The following ZNF615 variants were observed in gnomAD, a reference collection of about 807,000 sequenced individuals.
ZNF615 encodes the protein zinc finger protein 615.
Under a neutral mutation model 15.3 loss-of-function variants are expected in ZNF615, and 15 were observed. The observed-to-expected ratio is 0.98, with a 90% CI of 0.66 to 1.51. The LOEUF (loss-of-function observed/expected upper bound fraction) is 1.51, where lower values mean the gene tolerates loss of function less well. ZNF615 is among the 40% of genes most tolerant of loss of function. The probability of loss-of-function intolerance (pLI) is 0.00; values close to 1 mark genes in which losing one functional copy is unlikely to be tolerated. For synonymous variants in ZNF615, 268 were observed against 294.6 expected (o/e 0.91, Z 0.92); for missense variants, 848 against 895.9 (o/e 0.95, Z 0.68).
chr19:51,999,514 A>C, intron 6 of ZNF615, among the ~76,000 whole-genome samples: 1 of 152,230 alleles, frequency 6.6e-6, no homozygotes, highest in Non-Finnish European at 1.5e-5. Flanking sequence ...TATACATAGT[A>C]TATGTTCCAA....
Position 52,001,852 on chromosome 19 carries a change from A to G in ZNF615, c.199T>C (p.Cys67Arg). 3 of 1,614,038 alleles carry G rather than the reference A, an allele frequency of 1.9e-6. No individual in the cohort carries two copies. The highest frequency in any genetic ancestry group is 2.5e-6 in the Non-Finnish European group (3 of 1,180,000). ...GAGTAGATTTCATCTTCTGTTGTGC[A>G]AGTTTCTTCTCCTCGTTCCAATTTG... ...LSKLERGEET[C>R]TTEDEIYSRI... Residue 67 changes from cysteine (C) to arginine (R), a missense_variant, in exon 5 of 7, where the codon TGC (cysteine) becomes CGC (arginine). Cys to Arg is a radical substitution (Grantham distance 180). Transcript: ENST00000598071.
At chr19:52,003,345 T>A (rs775265790) in intron 3 of ZNF615, among the ~76,000 whole-genome samples, 1 of 152,166 alleles carries the variant, frequency 6.6e-6, no homozygotes, top group Admixed American at 6.5e-5. Context: ...CTATCAAAGA[T>A]GTATTTGAGC....
At chr19:52,000,157 G>GC (rs2086549330) in intron 6 of ZNF615, 189 bp downstream of exon 6, 2 of 400,386 alleles carry the variant, frequency 5.0e-6, no homozygotes, top group Non-Finnish European at 4.4e-6. Flanking sequence ...TCACTTGTAG[G>GC]CAAGAGCTAA....
chr19:51,993,601 C>T lies in ZNF615; in HGVS notation c.1508G>A (p.Gly503Asp), dbSNP rs371662547. 1 of 1,613,912 alleles carries T rather than the reference C, an allele frequency of 6.2e-7. No homozygotes were observed. The highest frequency in any genetic ancestry group is 1.3e-5 in the African/African-American group (1 of 74,882). The change falls in exon 7 of 7, where the codon GGC becomes GAC. Residue 503 changes from glycine to aspartate, a missense_variant. Physicochemically the swap from Gly to Asp is moderately conservative, Grantham distance 94. Transcript: ENST00000598071. Reference sequence around the variant, plus strand: ...AATAAGGCGGCTCTTCACAGTGAAGCCTTTTCCACAATCATTGCATATATA... The same window carrying T: ...AATAAGGCGGCTCTTCACAGTGAAGTCTTTTCCACAATCATTGCATATATA... ...KPYICNDCGK[G>D]FTVKSRLIVH...
chr19:52,007,267 G>GA lies in ZNF615; in HGVS notation c.-190+25_-190+26insT, dbSNP rs1320547512. Reference sequence around the variant, plus strand: ...TGAAATATTCTGAAAATTTGACAAAGGTTATCTTTGAGTAACCGAGCTTAC... The same window carrying GA: ...TGAAATATTCTGAAAATTTGACAAAGAGTTATCTTTGAGTAACCGAGCTTAC... On this transcript the variant is annotated intron_variant, in intron 2 of 6. Transcript: ENST00000598071. 40 of 1,277,882 alleles carry GA rather than the reference G, an allele frequency of 3.1e-5. No individual in the cohort carries two copies. The African/African-American group carries it at 5.2e-4, about 17-fold the overall frequency. The allele number at this position is 1,277,882 out of a possible 1,614,324, so 79.2% of individuals were successfully genotyped here. A position where few individuals can be genotyped will look rare whatever the true frequency, so the allele number is the denominator to read the frequency against.
chr19:52,004,066 T>C (rs1295426421), intron 2 of ZNF615, among the ~76,000 whole-genome samples, 166 bp from the exon 3 acceptor site: 2 of 152,186 alleles, frequency 1.3e-5, no homozygotes, highest in African/African-American at 2.4e-5. Flanking sequence ...ATTCTGAATA[T>C]ATGGGAGGTA....
chr19:51,996,639 A>G (rs1012099788), intron 6 of ZNF615, among the ~76,000 whole-genome samples: 10 of 152,328 alleles, frequency 6.6e-5, no homozygotes, highest in South Asian at 6.2e-4. Context: ...AACATTTACA[A>G]ATTATTCAAA....
At chr19:52,000,867 C>G (rs995149588) in intron 5 of ZNF615, among the ~76,000 whole-genome samples, 1 of 151,714 alleles carries the variant, frequency 6.6e-6, no homozygotes, top group African/African-American at 2.4e-5. Context: ...GTGGGAGGAT[C>G]GCTTGAGCCG....
intron 5 of ZNF615, among the ~76,000 whole-genome samples, chr19:52,000,793 A>G (rs2086568447): frequency 6.6e-6 from 1 of 152,084 alleles, no homozygotes; most frequent in Admixed American, 6.6e-5. Context: ...CCTCTATAAG[A>G]AATACAAAAA....
rs1432165378 is a variant in ZNF615 at position 51,991,540 on chromosome 19, G to C, written c.*1340C>G. On this transcript the variant is annotated 3_prime_UTR_variant, in exon 7 of 7. Coordinates refer to ENST00000598071, the MANE Select transcript of ZNF615 (RefSeq NM_001199324.2). The stretch of plus-strand genomic sequence containing the variant: ...TTAGTTGAAATAGCCAATACCAAAA[G>C]GGTACATGCTGTATGATTCCATTTT... 2 of 152,164 alleles carry C rather than the reference G, an allele frequency of 1.3e-5. No homozygotes were observed. The highest frequency in any genetic ancestry group is 2.9e-5 in the Non-Finnish European group (2 of 68,034). 9.4% of individuals were successfully genotyped at this position (152,164 alleles called of 1,614,324 possible).
chr19:52,001,050 G>T (rs201318295), intron 5 of ZNF615, among the ~76,000 whole-genome samples: 1 of 152,050 alleles, frequency 6.6e-6, no homozygotes, highest in Admixed American at 6.6e-5. Flanking sequence ...TGGAGAAAAT[G>T]AGGGAAAATA....
In ZNF615 at chr19:51,994,634, T is replaced by C. The variant is rs971389389; in HGVS notation, c.475A>G (p.Arg159Gly). ...GCAGAGTTCTTTAGGCCAGAGCTCC[T>C]TTTCTGGTTTTCAAAACTTAAATTT... is the stretch of plus-strand genomic sequence containing the variant. Reference protein sequence around the residue: ...KSNLSFENQKRSSGLKNSAEF... With the variant: ...KSNLSFENQKGSSGLKNSAEF... Residue 159 changes from arginine to glycine, a missense_variant, in exon 7 of 7, where the codon AGG becomes GGG. Coordinates refer to ENST00000598071, the MANE Select transcript of ZNF615 (RefSeq NM_001199324.2). 6.2e-7 allele frequency: 1 copy of C among 1,613,096 alleles called. No individual in the cohort carries two copies. Among genetic ancestry groups the C allele is most frequent in the East Asian group, 2.2e-5 (1 of 44,870 alleles).
chr19:52,007,704 T>C (rs116895749), intron 1 of ZNF615, among the ~76,000 whole-genome samples: 3,020 of 152,260 alleles, frequency 0.02, 53 homozygotes, highest in Admixed American at 0.024. Flanking sequence ...GAAACCTCCG[T>C]ACCTTAACCC....
chr19:51,993,768 G>C lies in ZNF615; in HGVS notation c.1341C>G (p.Gly447=), dbSNP rs2086321821. 6.2e-7 allele frequency: 1 copy of C among 1,613,998 alleles called. No individual in the cohort carries two copies. Among genetic ancestry groups the C allele is most frequent in the African/African-American group, 1.3e-5 (1 of 74,894 alleles). ...TGATGAGTGGGCTCTTCAAAGCGAA[G>C]CCCTTTCCACACTCATTGCATTTAT... ...KPYKCNECGK[G]FALKSPLIRH... The change falls in exon 7 of 7, where the codon GGC becomes GGG. Residue 447 remains glycine, a synonymous_variant. Transcript: ENST00000598071.
chr19:51,993,830 T>C lies in ZNF615; in HGVS notation c.1279A>G (p.Met427Val). The C allele has an allele frequency of 2.5e-6, 4 of 1,614,212 alleles. No homozygotes were observed. Among genetic ancestry groups the C allele is most frequent in the Non-Finnish European group, 3.4e-6 (4 of 1,180,012 alleles). ...GKGFSMKHCL[M>V]VHQRTHTGEK... The stretch of plus-strand genomic sequence containing the variant: ...CCAGTATGAGTTCGTTGATGTACCA[T>C]GAGACAGTGCTTCATTGAAAAGCCT... Residue 427 changes from methionine to valine, a missense_variant, in exon 7 of 7, where the codon ATG becomes GTG. By Grantham distance (21) the Met-to-Val change is conservative. Coordinates refer to ENST00000598071, the MANE Select transcript of ZNF615 (RefSeq NM_001199324.2).
rs142513555 is a variant in ZNF615 at position 51,993,699 on chromosome 19, G to A, written c.1410C>T (p.Thr470=). 1,019 of 1,611,502 alleles carry A rather than the reference G, an allele frequency of 6.3e-4. 1 individual carries two copies. Among genetic ancestry groups the A allele is most frequent in the Non-Finnish European group, 7.4e-4 (868 of 1,179,346 alleles). The change falls in exon 7 of 7, where the codon ACC becomes ACT. Residue 470 remains threonine (T), a synonymous_variant. Coordinates refer to ENST00000598071, the MANE Select transcript of ZNF615 (RefSeq NM_001199324.2). ...THTGEKPYVC[T]ECRKGFTMKS... ...TCATGGTGAAACCTTTTCGACATTC[G>A]GTGCATACATAGGGTTTCTCTCCAG...
chr19:52,006,145 A>G (rs1329682041), intron 2 of ZNF615, among the ~76,000 whole-genome samples: 2 of 152,216 alleles, frequency 1.3e-5, no homozygotes, highest in Non-Finnish European at 2.9e-5. Flanking sequence ...TCATAGGGAA[A>G]ACACAGGTTT....
intron 5 of ZNF615, among the ~76,000 whole-genome samples, chr19:52,001,488 C>CGG (rs1568503611): frequency 2.0e-5 from 3 of 151,570 alleles, no homozygotes; most frequent in Admixed American, 2.0e-4. Context: ...CGTGGTGGTA[C>CGG]GCACCTGTAG....
At chr19:51,996,385 C>CA (rs1172310589) in intron 6 of ZNF615, among the ~76,000 whole-genome samples, 3,681 of 32,494 alleles carry the variant, frequency 0.11, 291 homozygotes, top group Non-Finnish European at 0.16. Flanking sequence ...GACTCTGTCT[C>CA]AAAAAAAAAA....
Sources: allele counts gnomAD v4.1 joint callset (sites outside exome capture counted in the v4.1 genomes callset), GRCh38; gene constraint gnomAD v4.1.1; transcripts MANE v1.5; gene names NCBI Gene and HGNC (gene_info 2026-07-23, HGNC 2026-07-21).